The following TPR variants were observed in gnomAD, a reference collection of about 807,000 sequenced individuals.
TPR encodes translocated promoter region, nuclear basket protein.
Under a neutral mutation model 316.1 loss-of-function variants are expected in TPR, and 51 were observed. The ratio of observed to expected loss-of-function variants is 0.16; its 90% CI spans 0.13 to 0.20. The LOEUF (loss-of-function observed/expected upper bound fraction) is 0.20. TPR is among the 10% of genes least tolerant of loss of function. The pLI is 1.00. For synonymous variants in TPR, 981 were observed against 914.7 expected, an observed-to-expected ratio of 1.07 and a Z score of -1.31; for missense variants, 2,272 against 2,754.8, an observed-to-expected ratio of 0.82 and a Z score of 3.92.
chr1:186,353,173 C>A (rs999478263), intron 18 of TPR, among the ~76,000 whole-genome samples: 2 of 152,082 alleles, frequency 1.3e-5, no homozygotes, highest in Non-Finnish European at 2.9e-5. Flanking sequence ...TAGATCGAGA[C>A]CATCCTGGCT....
intron 40 of TPR, among the ~76,000 whole-genome samples, chr1:186,326,478 T>C (rs181414610): frequency 1.3e-5 from 2 of 152,234 alleles, no homozygotes; most frequent in East Asian, 3.9e-4. Context: ...AAAGATAATA[T>C]AGACCTCAGG....
Position 186,361,645 on chromosome 1 carries a change from T to C in TPR, c.935A>G (p.Lys312Arg). 1 of 1,613,432 alleles carries C rather than the reference T, an allele frequency of 6.2e-7. No homozygotes were observed. Among genetic ancestry groups the C allele is most frequent in the East Asian group, 2.2e-5 (1 of 44,854 alleles). Residue 312 changes from lysine (K) to arginine (R), a missense_variant, in exon 9 of 51, where the codon AAA (lysine) becomes AGA (arginine). Physicochemically the swap from Lys to Arg is conservative, Grantham distance 26 (BLOSUM62 2). Coordinates refer to ENST00000367478, the MANE Select transcript of TPR (RefSeq NM_003292.3). Reference protein sequence around the residue: ...ELTRAVEELHKLLKEAGEANK... With the variant: ...ELTRAVEELHRLLKEAGEANK... ...ACCTTCACCAGCTTCTTTCAAAAGT[T>C]TGTGTAGTTCCTCTACTGCCCGGGT...
intron 2 of TPR, 55 bp downstream of exon 2, chr1:186,373,304 T>C: frequency 8.0e-7 from 1 of 1,245,576 alleles, no homozygotes. Flanking sequence ...TATAAAGGAG[T>C]CTCTGAAGAT....
intron 6 of TPR, 112 bp from the exon 7 acceptor site, chr1:186,362,492 A>G (rs1036919736): frequency 9.6e-5 from 73 of 761,408 alleles, no homozygotes; most frequent in Middle Eastern, 7.0e-4. Flanking sequence ...CCCCACCTGA[A>G]AAAGCAATTA....
chr1:186,312,940 GA>G lies in TPR; in HGVS notation c.*1030del, dbSNP rs750079793. 12 of 1,571,090 alleles carry G rather than the reference GA, an allele frequency of 7.6e-6. No individual in the cohort carries two copies. The South Asian group carries it at 1.3e-4, about 17-fold the overall frequency. ...TTCCCAAGGAGGTGATATCATTTGT[GA>G]AAACATGAAGATAAAGTAAAAATGC... On this transcript the variant is annotated 3_prime_UTR_variant, in exon 51 of 51. Coordinates refer to ENST00000367478, the MANE Select transcript of TPR (RefSeq NM_003292.3).
intron 31 of TPR, among the ~76,000 whole-genome samples, chr1:186,337,483 T>G (rs908521356): frequency 3.9e-5 from 6 of 152,124 alleles, no homozygotes; most frequent in Admixed American, 3.9e-4. Flanking sequence ...TGGAAAAACG[T>G]CGCTTACATG....
chr1:186,366,366 T>C (rs1659342769), intron 4 of TPR, among the ~76,000 whole-genome samples: 1 of 152,230 alleles, frequency 6.6e-6, no homozygotes. Context: ...AACATTTTTT[T>C]CTCTAGCTTA....
chr1:186,333,048 T>C (rs1205052172), intron 37 of TPR, 74 bp downstream of exon 37: 9 of 1,511,372 alleles, frequency 6.0e-6, no homozygotes, highest in African/African-American at 1.4e-5. Context: ...ACTCAAGATA[T>C]ATATACTCAA....
At chr1:186,362,793 A>C (rs1659236164) in intron 6 of TPR, 44 bp downstream of exon 6, 2 of 1,491,814 alleles carry the variant, frequency 1.3e-6, no homozygotes, top group Non-Finnish European at 1.8e-6. Flanking sequence ...ATACAAATGT[A>C]AGTTATACTC....
At position 186,335,447 on chromosome 1, in the gene TPR, G is replaced by A. The variant is rs768494040; in HGVS notation, c.4802C>T (p.Ala1601Val). 2.2e-5 allele frequency: 36 copies of A among 1,613,588 alleles called. No homozygotes were observed. Among genetic ancestry groups the A allele is most frequent in the South Asian group, 4.4e-5 (4 of 91,064 alleles). Reference sequence around the variant, plus strand: ...TCGACCTTCATATTGGGACTTTAGCGCAGTAATGCGAACATCCAATTCATC... The same window carrying A: ...TCGACCTTCATATTGGGACTTTAGCACAGTAATGCGAACATCCAATTCATC... ...QKDELDVRIT[A>V]LKSQYEGRIS... is the part of the protein sequence containing the mutation. Residue 1601 changes from alanine (A) to valine (V), a missense_variant, in exon 34 of 51, where the codon GCG (alanine) becomes GTG (valine). Physicochemically the swap from Ala to Val is moderately conservative, Grantham distance 64. Coordinates refer to ENST00000367478, the MANE Select transcript of TPR (RefSeq NM_003292.3).
chr1:186,363,541 C>A, intron 4 of TPR, 96 bp from the exon 5 acceptor site: 2 of 789,290 alleles, frequency 2.5e-6, no homozygotes, highest in South Asian at 1.7e-5. Flanking sequence ...ACCTTTAATA[C>A]AAAGTATGCA....
At chr1:186,348,484 G>T (rs1300958425) in intron 21 of TPR, among the ~76,000 whole-genome samples, 1 of 152,100 alleles carries the variant, frequency 6.6e-6, no homozygotes, top group East Asian at 1.9e-4. Context: ...TTCTGCTTTT[G>T]CCCTTTGCCC....
chr1:186,360,787 A>G lies in TPR; in HGVS notation c.1077T>C (p.Leu359=), dbSNP rs777176264. 5.6e-6 allele frequency: 9 copies of G among 1,612,828 alleles called. No homozygotes were observed. Among genetic ancestry groups the G allele is most frequent in the East Asian group, 2.2e-5 (1 of 44,782 alleles). The stretch of plus-strand genomic sequence containing the variant: ...TACCTTTACGTTTTGTGGCAGAAAG[A>G]AGGTCATTTGCATTCTCTAATTCCT... The part of the protein sequence containing the change: ...LEKELENAND[L]LSATKRKGAI... Residue 359 remains leucine, a synonymous_variant, in exon 10 of 51, where the codon CTT becomes CTC. Coordinates refer to ENST00000367478, the MANE Select transcript of TPR (RefSeq NM_003292.3).
rs557446170 is a variant in TPR at position 186,320,566 on chromosome 1, G to A, written c.6462-148C>T. ...AAATAAAGTCTATTTATTTTAAAGG[G>A]TTTCTTACTTATAAAAATCCTTTTA... is the stretch of plus-strand genomic sequence containing the variant. On this transcript the variant is annotated intron_variant, in intron 45 of 50. Transcript: ENST00000367478. 4.4e-5 allele frequency: 30 copies of A among 683,840 alleles called. No homozygotes were observed. The Admixed American group carries it at 7.2e-4, about 16-fold the overall frequency. The allele number at this position is 683,840 out of a possible 1,614,324, so 42.4% of individuals were successfully genotyped here.
chr1:186,337,282 G>A (rs1658368141), intron 31 of TPR, 126 bp from the exon 32 acceptor site: 1 of 1,198,966 alleles, frequency 8.3e-7, no homozygotes. Context: ...ATTCAAAACA[G>A]AATTTTCTAT....
At chr1:186,324,931 T>G (rs908573968) in intron 42 of TPR, among the ~76,000 whole-genome samples, 2 of 152,160 alleles carry the variant, frequency 1.3e-5, no homozygotes, top group Non-Finnish European at 2.9e-5. Context: ...TAAATGTAAA[T>G]TTTTGTTCAA....
chr1:186,363,747 T>C (rs1386992349), intron 4 of TPR, among the ~76,000 whole-genome samples: 1 of 152,130 alleles, frequency 6.6e-6, no homozygotes, highest in Non-Finnish European at 1.5e-5. Context: ...TGTACTAATA[T>C]GTAGATATTA....
chr1:186,317,641 C>T (rs2102048922), intron 48 of TPR, 41 bp from the exon 49 acceptor site: 1 of 1,553,822 alleles, frequency 6.4e-7, no homozygotes, highest in Non-Finnish European at 8.9e-7. Flanking sequence ...ACTGATCCTA[C>T]AGTCAATCAT....
Position 186,313,745 on chromosome 1 carries a change from G to A in TPR, c.*226C>T. 6.2e-7 allele frequency: 1 copy of A among 1,609,312 alleles called. No individual in the cohort carries two copies. The highest frequency in any genetic ancestry group is 8.5e-7 in the Non-Finnish European group (1 of 1,175,788). On this transcript the variant is annotated 3_prime_UTR_variant, in exon 51 of 51. Coordinates refer to ENST00000367478, the MANE Select transcript of TPR (RefSeq NM_003292.3). ...GAGCAATTACTACTCGTTCTGGGCA[G>A]ACCTTATCCAAAGTCTGGTACAACT...
Sources: allele counts gnomAD v4.1 joint callset (sites outside exome capture counted in the v4.1 genomes callset), GRCh38; gene constraint gnomAD v4.1.1; transcripts MANE v1.5; gene names NCBI Gene and HGNC (gene_info 2026-07-23, HGNC 2026-07-21).